GALNT17: variants seen among roughly 807,000 people sequenced by gnomAD.
GALNT17 encodes UDP-GalNAc:polypeptide N-acetylgalactosaminyltransferase-like 3.
Under a neutral mutation model 63.7 loss-of-function variants are expected in GALNT17, and 29 were observed. The ratio of observed to expected loss-of-function variants is 0.46; its 90% CI spans 0.34 to 0.62. GALNT17 has a LOEUF of 0.62. Ranked by LOEUF, GALNT17 falls within the 20% of genes least tolerant of loss-of-function variation. The pLI is 0.01. For synonymous variants in GALNT17, 305 were observed against 318.3 expected, an observed-to-expected ratio of 0.96 and a Z score of 0.45; for missense variants, 603 against 799.6, an observed-to-expected ratio of 0.75 and a Z score of 2.97.
intron 5 of GALNT17, among the ~76,000 whole-genome samples, chr7:71,503,000 T>A (rs1367156483): frequency 6.6e-6 from 1 of 152,140 alleles, no homozygotes; most frequent in Non-Finnish European, 1.5e-5. Flanking sequence ...CCTGCACTGT[T>A]GATCACCCAC....
At chr7:71,390,733 C>T (rs1793034947) in intron 3 of GALNT17, among the ~76,000 whole-genome samples, 1 of 152,188 alleles carries the variant, frequency 6.6e-6, no homozygotes, top group African/African-American at 2.4e-5. Context: ...CCCCCTTCAT[C>T]AGCCTTCTAA....
chr7:71,493,970 A>G (rs1788052527), intron 5 of GALNT17, among the ~76,000 whole-genome samples: 1 of 151,280 alleles, frequency 6.6e-6, no homozygotes, highest in South Asian at 2.1e-4. Flanking sequence ...GCTTTTATAA[A>G]GTTTTTTTTT....
intron 1 of GALNT17, among the ~76,000 whole-genome samples, chr7:71,218,536 C>T (rs966984124): frequency 6.6e-6 from 1 of 152,070 alleles, no homozygotes; most frequent in African/African-American, 2.4e-5. Context: ...ATTCTAAGTT[C>T]AAAGTAGTGA....
chr7:71,692,501 A>T (rs537654582), intron 9 of GALNT17, among the ~76,000 whole-genome samples: 1 of 152,156 alleles, frequency 6.6e-6, no homozygotes, highest in East Asian at 1.9e-4. Flanking sequence ...TTTAGCTAGG[A>T]GGCTCAGCAG....
chr7:71,493,515 G>T (rs140449631), intron 5 of GALNT17, among the ~76,000 whole-genome samples: 4 of 152,118 alleles, frequency 2.6e-5, no homozygotes, highest in Admixed American at 2.6e-4. Flanking sequence ...TGAAAGGCAC[G>T]TCTTACAGGG....
chr7:71,367,669 C>T (rs1350131029), intron 2 of GALNT17, among the ~76,000 whole-genome samples: 1 of 152,086 alleles, frequency 6.6e-6, no homozygotes, highest in East Asian at 1.9e-4. Flanking sequence ...CTGACGAGTC[C>T]ACCAGCTCCT....
intron 5 of GALNT17, among the ~76,000 whole-genome samples, chr7:71,475,691 T>C (rs936269741): frequency 3.3e-5 from 5 of 152,166 alleles, no homozygotes; most frequent in Non-Finnish European, 7.3e-5. Context: ...TTAAGCCACC[T>C]AGTTTGTAGT....
chr7:71,444,483 CAG>C (rs5884838), intron 5 of GALNT17, among the ~76,000 whole-genome samples: 8,182 of 152,184 alleles, frequency 0.054, 757 homozygotes, highest in African/African-American at 0.19. Context: ...CCGTGGAAAA[CAG>C]GGGTGTCTTC....
chr7:71,501,168 C>T (rs1301580428), intron 5 of GALNT17, among the ~76,000 whole-genome samples: 1 of 152,028 alleles, frequency 6.6e-6, no homozygotes, highest in African/African-American at 2.4e-5. Flanking sequence ...AGGGTTTTCT[C>T]ATGTTGGCCA....
At chr7:71,625,678 G>A (rs1240855033) in intron 6 of GALNT17, among the ~76,000 whole-genome samples, 2 of 152,000 alleles carry the variant, frequency 1.3e-5, no homozygotes, top group African/African-American at 2.4e-5. Flanking sequence ...TTCTCCTTTC[G>A]GGACCTCACT....
At chr7:71,302,535 G>A (rs745518952) in intron 1 of GALNT17, among the ~76,000 whole-genome samples, 5 of 152,038 alleles carry the variant, frequency 3.3e-5, no homozygotes, top group Non-Finnish European at 7.4e-5. Context: ...AGGGCCATGT[G>A]CACACACTCT....
intron 5 of GALNT17, among the ~76,000 whole-genome samples, chr7:71,468,678 A>G (rs148786384): frequency 6.6e-6 from 1 of 151,962 alleles, no homozygotes; most frequent in East Asian, 1.9e-4. Flanking sequence ...AGGCCTCCCA[A>G]AGTGCTGGGA....
rs532039450 is a variant in GALNT17, at chr7:71,222,633, G to A, written c.238+89593G>A. On this transcript the variant is annotated intron_variant, in intron 1 of 10. Transcript: ENST00000333538. ...TTGAAGAGGACTAGTCAGGTGTTTT[G>A]TGGAATGTTTCTTCATTTGAGTTTG... Among the ~76,000 whole-genome samples, 6 of 152,236 alleles carry A rather than the reference G, an allele frequency of 3.9e-5. No individual in the cohort carries two copies. In the South Asian group the frequency reaches 1.2e-3, roughly 32 times the overall value.
intron 6 of GALNT17, among the ~76,000 whole-genome samples, chr7:71,586,947 G>A (rs949496288): frequency 6.6e-6 from 1 of 151,964 alleles, no homozygotes; most frequent in Non-Finnish European, 1.5e-5. Flanking sequence ...TCAAACACTA[G>A]GTCTTATTTC....
chr7:71,333,698 A>G (rs545777507), intron 1 of GALNT17, among the ~76,000 whole-genome samples: 1 of 152,216 alleles, frequency 6.6e-6, no homozygotes, highest in South Asian at 2.1e-4. Context: ...ACTGGGTTTC[A>G]CCATGTTGGC....
intron 5 of GALNT17, among the ~76,000 whole-genome samples, chr7:71,545,508 C>T (rs913975563): frequency 2.6e-5 from 4 of 152,232 alleles, no homozygotes; most frequent in African/African-American, 7.2e-5. Context: ...CGTGCCACCA[C>T]GCCTGGCTAA....
chr7:71,174,329 T>G (rs1264475965), intron 1 of GALNT17, among the ~76,000 whole-genome samples: 1 of 152,052 alleles, frequency 6.6e-6, no homozygotes, highest in Non-Finnish European at 1.5e-5. Context: ...TGACCGCACA[T>G]TGGCACTGGG....
In GALNT17 at chr7:71,323,946, C is replaced by A. The variant is rs551629578; in HGVS notation, c.239-11604C>A. Among the ~76,000 whole-genome samples the A allele has an allele frequency of 2.0e-4, 31 of 152,268 alleles. No individual in the cohort carries two copies. In the South Asian group the frequency reaches 6.0e-3, roughly 30 times the overall value. On this transcript the variant is annotated intron_variant, in intron 1 of 10. Coordinates refer to ENST00000333538, the MANE Select transcript of GALNT17 (RefSeq NM_022479.3). ...GAAATGTTGTGGTTGAGATTTTCAC[C>A]AGCCTCTGACTTTCTGGGTTGGATA...
Position 71,197,366 on chromosome 7 carries a change from A to AT in GALNT17, c.238+64341dup, listed in dbSNP as rs34168187. On this transcript the variant is annotated intron_variant, in intron 1 of 10. Transcript: ENST00000333538. ...AGGCACCTGCCACCACGGCCGGCTA[A>AT]TTTTTTTTTTTTTTTGCATTTTTAG... is the stretch of plus-strand genomic sequence containing the variant. Among the ~76,000 whole-genome samples, 1,285 of 138,896 alleles carry AT rather than the reference A, an allele frequency of 9.3e-3. 19 individuals carry two copies. The highest frequency in any genetic ancestry group is 0.029 in the African/African-American group (1,092 of 37,892). 91.1% of individuals were successfully genotyped at this position (138,896 alleles called of 152,430 possible).
Sources: allele counts gnomAD v4.1 joint callset (sites outside exome capture counted in the v4.1 genomes callset), GRCh38; gene constraint gnomAD v4.1.1; transcripts MANE v1.5; gene names NCBI Gene and HGNC (gene_info 2026-07-23, HGNC 2026-07-21).